Variants in CHPT1 observed in about 807,000 individuals in gnomAD.
The protein encoded by CHPT1 is choline phosphotransferase 1.
In CHPT1, 36 loss-of-function variants were observed where a neutral mutation model predicts 47.6. The ratio of observed to expected loss-of-function variants is 0.76; its 90% CI spans 0.58 to 1.00. The LOEUF (loss-of-function observed/expected upper bound fraction) is 1.00, where lower values mean the gene tolerates loss of function less well. Among genes scored for constraint, CHPT1 ranks in the 50% least tolerant of loss-of-function variants. The pLI, the probability that CHPT1 is intolerant of heterozygous loss-of-function variation, is 0.00. For missense variants in CHPT1, 458 were observed against 498.1 expected (o/e 0.92, Z 0.77); for synonymous variants, 194 against 186.3 (o/e 1.04, Z -0.33).
At chr12:101,717,131 T>A (rs1951776013) in intron 4 of CHPT1, 2 of 377,572 alleles carry the variant, frequency 5.3e-6, no homozygotes, top group African/African-American at 4.2e-5. Context: ...CAGGGTGAAA[T>A]AAAATAAATA....
chr12:101,728,317 CTTAAT>C (rs1377951619), intron 8 of CHPT1: 3 of 152,792 alleles, frequency 2.0e-5, no homozygotes, highest in Non-Finnish European at 4.4e-5. Context: ...ATGATGTGCT[CTTAAT>C]TTAATTGCAG....
At chr12:101,717,844 A>G (rs1951787977) in intron 4 of CHPT1, among the ~76,000 whole-genome samples, 1 of 152,210 alleles carries the variant, frequency 6.6e-6, no homozygotes, top group South Asian at 2.1e-4. Context: ...CAGCAGCTTT[A>G]TTCATAATTG....
intron 8 of CHPT1, chr12:101,728,529 A>G (rs1278229809): frequency 1.7e-4 from 31 of 180,338 alleles, no homozygotes; most frequent in Non-Finnish European, 4.7e-5. Flanking sequence ...ACTTAAGTAT[A>G]TAGAAAAGGA....
At chr12:101,704,989 A>G (rs952847169) in intron 1 of CHPT1, among the ~76,000 whole-genome samples, 1 of 89,560 alleles carries the variant, frequency 1.1e-5, no homozygotes, top group African/African-American at 6.9e-5. Context: ...TTAGCCAGTA[A>G]GTAGCAGAGC....
Position 101,716,794 on chromosome 12 carries a change from AACAATGTGGGACTAT to A in CHPT1, c.633_647del (p.Met212_Thr216del), listed in dbSNP as rs778346709. 1.9e-6 allele frequency: 3 copies of A among 1,604,290 alleles called. No homozygotes were observed. The highest frequency in any genetic ancestry group is 2.6e-6 in the Non-Finnish European group (3 of 1,174,108). On this transcript the variant is annotated inframe_deletion, in exon 4 of 9. Coordinates refer to ENST00000229266, the MANE Select transcript of CHPT1 (RefSeq NM_020244.3). ...TTGTGTTGTCTGCATTTGGAGGAGC[AACAATGTGGGACTAT>A]ACGGTAAATCTGAATATTTAAATTT...
Position 101,725,687 on chromosome 12 carries a change from TG to T in CHPT1, c.1066-606del, listed in dbSNP as rs1161861998. Among the ~76,000 whole-genome samples the T allele has an allele frequency of 1.6e-4, 25 of 151,852 alleles. No homozygotes were observed. The East Asian group carries it at 4.6e-3, about 28-fold the overall frequency. ...TTTTCAAGTAAGCTTTTAACATAAA[TG>T]ATAGAGATTTTCCCCTCATGGGTGA... is the stretch of plus-strand genomic sequence containing the variant. On this transcript the variant is annotated intron_variant, in intron 7 of 8. Coordinates refer to ENST00000229266, the MANE Select transcript of CHPT1 (RefSeq NM_020244.3).
chr12:101,723,408 T>A, intron 6 of CHPT1, 82 bp downstream of exon 6: 1 of 888,998 alleles, frequency 1.1e-6, no homozygotes, highest in East Asian at 2.7e-5. Flanking sequence ...ATAAAATGTA[T>A]AGGTTTTCTT....
chr12:101,722,750 C>T (rs1339959522), intron 5 of CHPT1, among the ~76,000 whole-genome samples: 1 of 146,602 alleles, frequency 6.8e-6, no homozygotes, highest in Non-Finnish European at 1.5e-5. Context: ...AAGAAGGAAA[C>T]CTGAATAGAA....
intron 4 of CHPT1, chr12:101,717,169 T>C: frequency 7.7e-6 from 3 of 390,036 alleles, no homozygotes; most frequent in Non-Finnish European, 1.5e-5. Context: ...GTAAAATGTT[T>C]TACATTTAAA....
At chr12:101,699,391 CTTT>C (rs5800481) in intron 1 of CHPT1, among the ~76,000 whole-genome samples, 1 of 136,942 alleles carries the variant, frequency 7.3e-6, no homozygotes, top group African/African-American at 2.8e-5. Flanking sequence ...TATTTCTTTT[CTTT>C]TTTTTTTTTT....
intron 5 of CHPT1, among the ~76,000 whole-genome samples, chr12:101,721,605 GA>G (rs1435510434): frequency 6.6e-6 from 1 of 152,156 alleles, no homozygotes; most frequent in East Asian, 1.9e-4. Flanking sequence ...GATATATTTG[GA>G]AAAGTTGTCA....
At chr12:101,707,319 G>A (rs1302122729) in intron 1 of CHPT1, among the ~76,000 whole-genome samples, 2 of 152,154 alleles carry the variant, frequency 1.3e-5, no homozygotes, top group Non-Finnish European at 2.9e-5. Context: ...TATGAAGGTG[G>A]GTGATTGAGA....
At position 101,723,268 on chromosome 12, in the gene CHPT1, C is replaced by T. The variant is rs780323885; in HGVS notation, c.881C>T (p.Pro294Leu). Residue 294 changes from proline (P) to leucine (L), a missense_variant, in exon 6 of 9, where the codon CCT (proline) becomes CTT (leucine). Coordinates refer to ENST00000229266, the MANE Select transcript of CHPT1 (RefSeq NM_020244.3). ...KSATDVFEKH[P>L]CLYILMFGCV... ...GCAACTGATGTGTTTGAAAAGCATCCTTGTCTTTATATCCTAATGTTTGGA... is the reference window on the plus strand; with the variant it reads ...GCAACTGATGTGTTTGAAAAGCATCTTTGTCTTTATATCCTAATGTTTGGA... 5.6e-6 allele frequency: 9 copies of T among 1,612,110 alleles called. No individual in the cohort carries two copies. The highest frequency in any genetic ancestry group is 7.6e-6 in the Non-Finnish European group (9 of 1,178,592).
chr12:101,713,692 AGTC>A (rs1244927708), intron 1 of CHPT1, among the ~76,000 whole-genome samples: 1 of 152,172 alleles, frequency 6.6e-6, no homozygotes, highest in Non-Finnish European at 1.5e-5. Flanking sequence ...GAGCAAATCT[AGTC>A]CCTGATACTC....
At chr12:101,701,944 A>C (rs1344631664) in intron 1 of CHPT1, among the ~76,000 whole-genome samples, 1 of 152,202 alleles carries the variant, frequency 6.6e-6, no homozygotes, top group African/African-American at 2.4e-5. Flanking sequence ...AAGTAGAGTA[A>C]GCAAGTGTTA....
At chr12:101,716,853 A>G in intron 4 of CHPT1, 41 bp downstream of exon 4, 1 of 1,241,276 alleles carries the variant, frequency 8.1e-7, no homozygotes, top group Non-Finnish European at 1.1e-6. Context: ...GTACTTTTCA[A>G]ATATTTAGGA....
chr12:101,729,055 T>A lies in CHPT1; in HGVS notation c.*110T>A. On this transcript the variant is annotated 3_prime_UTR_variant, in exon 9 of 9. Coordinates refer to ENST00000229266, the MANE Select transcript of CHPT1 (RefSeq NM_020244.3). ...GTTATACCTATTTCAGCAAATAAAA[T>A]ATTTCATTGCTTATATTAATCCTTA... is the stretch of plus-strand genomic sequence containing the variant. 2.5e-6 allele frequency: 4 copies of A among 1,606,050 alleles called. No individual in the cohort carries two copies. The highest frequency in any genetic ancestry group is 2.6e-6 in the Non-Finnish European group (3 of 1,173,596).
intron 1 of CHPT1, among the ~76,000 whole-genome samples, chr12:101,698,411 C>A (rs1274768217): frequency 6.6e-6 from 1 of 152,192 alleles, no homozygotes; most frequent in African/African-American, 2.4e-5. Context: ...TCCCCACGGC[C>A]GCGGACGGGC....
At chr12:101,720,945 A>T (rs896557061) in intron 5 of CHPT1, among the ~76,000 whole-genome samples, 4 of 152,188 alleles carry the variant, frequency 2.6e-5, no homozygotes, top group Admixed American at 6.5e-5. Context: ...GAAGACAAGT[A>T]CTTATTCCAG....
Sources: gnomAD v4.1 joint callset for allele counts (sites outside exome capture counted in the v4.1 genomes callset) on GRCh38, gnomAD v4.1.1 for gene constraint, MANE v1.5 for transcripts, NCBI Gene and HGNC (gene_info 2026-07-23, HGNC 2026-07-21) for gene names.